Variants in CASKIN2 observed in about 807,000 individuals in gnomAD.
The protein encoded by CASKIN2 is caskin-2.
CASKIN2 carries 41 observed loss-of-function variants against 107.1 expected under a neutral mutation model. The ratio of observed to expected loss-of-function variants is 0.38; its 90% CI spans 0.30 to 0.50. The LOEUF (loss-of-function observed/expected upper bound fraction) is 0.50, where lower values mean the gene tolerates loss of function less well. Among genes scored for constraint, CASKIN2 ranks in the 20% least tolerant of loss-of-function variants. CASKIN2 has a pLI of 0.92. For synonymous variants in CASKIN2, 724 were observed against 705.6 expected, an observed-to-expected ratio of 1.03 and a Z score of -0.41; for missense variants, 1,546 against 1,657.4, an observed-to-expected ratio of 0.93 and a Z score of 1.17.
intron 16 of CASKIN2, 26 bp downstream of exon 16, chr17:75,503,633 C>G (rs751062264): frequency 1.4e-5 from 22 of 1,609,154 alleles, no homozygotes; most frequent in Non-Finnish European, 1.8e-5. Flanking sequence ...ACGTGCCCCA[C>G]TCCCCAGCCA....
chr17:75,503,036 T>C lies in CASKIN2; in HGVS notation c.2038A>G (p.Met680Val), dbSNP rs558844801. The change falls in exon 18 of 20, where the codon ATG becomes GTG. Residue 680 changes from methionine to valine, a missense_variant. Around this residue, in one of 6 missense-constraint regions of CASKIN2, gnomAD observed 1,311 missense variants for 1,311.0 expected, o/e 1.00. Transcript: ENST00000321617. ...SELSPELQAA[M>V]AGGGPEPLPL... ...AGTGGTTCAGGGCCACCCCCTGCCA[T>C]GGCCGCCTGTAGCTCTGGGCTTAGT... 3 of 1,606,338 alleles carry C rather than the reference T, an allele frequency of 1.9e-6. No individual in the cohort carries two copies. Among genetic ancestry groups the C allele is most frequent in the African/African-American group, 1.3e-5 (1 of 74,938 alleles).
chr17:75,504,339 TG>T (rs755416349), intron 13 of CASKIN2, 33 bp from the exon 14 acceptor site: 1 of 1,598,034 alleles, frequency 6.3e-7, no homozygotes, highest in South Asian at 1.1e-5. Context: ...AATGGAAAGG[TG>T]GCAGGAGGAA....
Position 75,503,335 on chromosome 17 carries a change from T to C in CASKIN2, c.1819+54A>G. On this transcript the variant is annotated intron_variant, in intron 17 of 19. Transcript: ENST00000321617. Reference sequence around the variant, plus strand: ...CCGCTGGGCCCCATACTGTCTTCTCTTGGAGACCCCGGAGGCAGGTGGGGG... The same window carrying C: ...CCGCTGGGCCCCATACTGTCTTCTCCTGGAGACCCCGGAGGCAGGTGGGGG... 4 of 1,587,484 alleles carry C rather than the reference T, an allele frequency of 2.5e-6. No homozygotes were observed. In the Admixed American group the frequency reaches 6.8e-5, roughly 27 times the overall value.
In CASKIN2 at chr17:75,504,273, C is replaced by A. The variant is rs777009819; in HGVS notation, c.1409G>T (p.Arg470Leu). The change falls in exon 14 of 20, where the codon CGC becomes CTC. Residue 470 changes from arginine to leucine, a missense_variant. By Grantham distance (102) the Arg-to-Leu change is moderately radical. Coordinates refer to ENST00000321617, the MANE Select transcript of CASKIN2 (RefSeq NM_020753.5). The stretch of plus-strand genomic sequence containing the variant: ...CTGGGTGAAGATCTGCTCCCCAGAG[C>A]GGCAGTTGGCCAGAGGGCGGTGGCT... Reference protein sequence around the residue: ...NLSHRPLANCRSGEQIFTQDV... With the variant: ...NLSHRPLANCLSGEQIFTQDV... 6.2e-6 allele frequency: 10 copies of A among 1,607,326 alleles called. No homozygotes were observed. Among genetic ancestry groups the A allele is most frequent in the Non-Finnish European group, 8.5e-6 (10 of 1,177,474 alleles).
chr17:75,510,402 A>C (rs2053306812), intron 2 of CASKIN2, among the ~76,000 whole-genome samples: 1 of 152,222 alleles, frequency 6.6e-6, no homozygotes, highest in South Asian at 2.1e-4. Context: ...AGAAGAAAAA[A>C]GGGGAGTCCT....
Position 75,503,669 on chromosome 17 carries a change from C to G in CASKIN2, c.1670G>C (p.Ser557Thr). The change falls in exon 16 of 20, where the codon AGC becomes ACC. Residue 557 changes from serine (S) to threonine (T), a missense_variant. Around this residue, in one of 6 missense-constraint regions of CASKIN2, gnomAD observed 1,311 missense variants for 1,311.0 expected, o/e 1.00. Coordinates refer to ENST00000321617, the MANE Select transcript of CASKIN2 (RefSeq NM_020753.5). ...AQLSIAEWLPSYIPTDLLEWL... is the reference protein window; with the variant it reads ...AQLSIAEWLPTYIPTDLLEWL... ...CCCTTGATGGCTCACTGGGATGTAG[C>G]TGGGCAGCCACTCGGCGATGCTGAG... The G allele has an allele frequency of 6.2e-7, 1 of 1,611,764 alleles. No homozygotes were observed.
intron 1 of CASKIN2, 75 bp from the exon 2 acceptor site, chr17:75,514,283 T>G (rs1285289794): frequency 2.4e-6 from 1 of 411,768 alleles, no homozygotes; most frequent in Non-Finnish European, 4.3e-6. Context: ...GTGCAGAGGA[T>G]GAGCAGGACA....
intron 3 of CASKIN2, chr17:75,507,950 C>T (rs2053283230): frequency 1.7e-6 from 1 of 583,712 alleles, no homozygotes; most frequent in South Asian, 2.1e-5. Context: ...AGGGCTCCTA[C>T]CCTCCAGGGA....
Position 75,501,819 on chromosome 17 carries a change from G to A in CASKIN2, c.3255C>T (p.Pro1085=). ...AASRWNGETE[P]PAAPAALLKV... Reference sequence around the variant, plus strand: ...TGAGGAGGGCAGCAGGGGCGGCCGGGGGTTCTGTCTCCCCATTCCACCGAC... The same window carrying A: ...TGAGGAGGGCAGCAGGGGCGGCCGGAGGTTCTGTCTCCCCATTCCACCGAC... Residue 1085 remains proline (P), a synonymous_variant, in exon 18 of 20, where the codon CCC becomes CCT. Transcript: ENST00000321617. 1.3e-6 allele frequency: 2 copies of A among 1,550,806 alleles called. No homozygotes were observed. The highest frequency in any genetic ancestry group is 1.9e-5 in the Admixed American group (1 of 51,362).
In CASKIN2 at chr17:75,508,292, G is replaced by A; in HGVS notation, c.95-7C>T. The A allele has an allele frequency of 2.5e-6, 4 of 1,613,310 alleles. No individual in the cohort carries two copies. Among genetic ancestry groups the A allele is most frequent in the Non-Finnish European group, 2.5e-6 (3 of 1,179,662 alleles). On this transcript the variant is annotated splice_polypyrimidine_tract_variant and splice_region_variant and intron_variant, in intron 2 of 19. Coordinates refer to ENST00000321617, the MANE Select transcript of CASKIN2 (RefSeq NM_020753.5). ...TTTGTGGAGCCCAGGAGCTCTAGGG[G>A]TCAGGATAGGAGGTGTCAGGGCCAT...
In CASKIN2 at chr17:75,501,698, G is replaced by C. The variant is rs575346202; in HGVS notation, c.3296-8C>G. Reference sequence around the variant, plus strand: ...CAGGCTTGGGGGCTGTTCCTGCAGAGACAAAAAGGTTGGCTTGGGACTTGG... The same window carrying C: ...CAGGCTTGGGGGCTGTTCCTGCAGACACAAAAAGGTTGGCTTGGGACTTGG... On this transcript the variant is annotated splice_region_variant and splice_polypyrimidine_tract_variant and intron_variant, in intron 18 of 19. Transcript: ENST00000321617. The C allele has an allele frequency of 3.9e-6, 6 of 1,550,234 alleles. No individual in the cohort carries two copies. In the South Asian group the frequency reaches 7.2e-5, roughly 19 times the overall value.
chr17:75,503,946 T>G lies in CASKIN2; in HGVS notation c.1484A>C (p.His495Pro). 1 of 1,612,350 alleles carries G rather than the reference T, an allele frequency of 6.2e-7. No individual in the cohort carries two copies. The highest frequency in any genetic ancestry group is 1.1e-5 in the South Asian group (1 of 90,946). ...LLEGKDAQAI[H>P]NWLSEFQLEG... is the part of the protein sequence containing the mutation. ...CAGCTGGAACTCGCTTAGCCAGTTA[T>G]GAATGGCCTGCGCGTCCTGCGGGGT... Residue 495 changes from histidine (H) to proline (P), a missense_variant, in exon 15 of 20, where the codon CAT becomes CCT. Physicochemically the swap from His to Pro is moderately conservative, Grantham distance 77. Transcript: ENST00000321617.
chr17:75,511,725 C>T lies in CASKIN2; in HGVS notation c.94+1986G>A, dbSNP rs190868033. On this transcript the variant is annotated intron_variant, in intron 2 of 19. Transcript: ENST00000321617. ...CAGCCTGCGCAGGGTGAATTCTCCA[C>T]TTTGGGACTGAGGGAAGGGACCTCC... 1.4e-4 allele frequency among the ~76,000 whole-genome samples: 21 copies of T among 152,300 alleles called. No individual in the cohort carries two copies. The East Asian group carries it at 4.0e-3, about 29-fold the overall frequency.
rs769594728 is a variant in CASKIN2, at chr17:75,506,276, C to G, written c.726+29G>C. On this transcript the variant is annotated intron_variant, in intron 8 of 19. Transcript: ENST00000321617. The surrounding 1 kb of genome is among the most constrained non-coding windows in gnomAD (Gnocchi z 4.8). Reference sequence around the variant, plus strand: ...GCACAGGGCAGAGGCTCCATGGACACCTGCGAGGGAGCAGGGGCCCATACC... The same window carrying G: ...GCACAGGGCAGAGGCTCCATGGACAGCTGCGAGGGAGCAGGGGCCCATACC... 8 of 1,568,980 alleles carry G rather than the reference C, an allele frequency of 5.1e-6. No individual in the cohort carries two copies. The South Asian group carries it at 8.9e-5, about 17-fold the overall frequency.
intron 4 of CASKIN2, 47 bp from the exon 5 acceptor site, chr17:75,507,176 G>T (rs933081137): frequency 6.4e-7 from 1 of 1,569,720 alleles, no homozygotes; most frequent in African/African-American, 1.3e-5. Context: ...GACGGCGTTG[G>T]GGGTGGAGAG....
rs776215646 is a variant in CASKIN2 at position 75,507,675 on chromosome 17, A to G, written c.153T>C (p.Ser51=). ...NVNYQDADGF[S]ALHHAALGGS... Reference sequence around the variant, plus strand: ...CCCCCAAAGCAGCGTGGTGGAGGGCAGAGAATCTGATGTGGGAGGACACAA... The same window carrying G: ...CCCCCAAAGCAGCGTGGTGGAGGGCGGAGAATCTGATGTGGGAGGACACAA... Residue 51 remains serine (S), a synonymous_variant, in exon 4 of 20, where the codon TCT becomes TCC. Coordinates refer to ENST00000321617, the MANE Select transcript of CASKIN2 (RefSeq NM_020753.5). 1.8e-5 allele frequency: 29 copies of G among 1,611,642 alleles called. No individual in the cohort carries two copies. The highest frequency in any genetic ancestry group is 1.6e-4 in the Middle Eastern group (1 of 6,074).
In CASKIN2 at chr17:75,504,670, T is replaced by C; in HGVS notation, c.1216A>G (p.Ser406Gly). 1 of 1,601,656 alleles carries C rather than the reference T, an allele frequency of 6.2e-7. No individual in the cohort carries two copies. The highest frequency in any genetic ancestry group is 8.5e-7 in the Non-Finnish European group (1 of 1,172,668). The change falls in exon 12 of 20, where the codon AGT becomes GGT. Residue 406 changes from serine to glycine, a missense_variant. Ser to Gly is a moderately conservative substitution (Grantham distance 56). Transcript: ENST00000321617. ...CGGATGCTGCCCACGCTGCCCTCAC[T>C]GCCCACACTATTCCTGTCACCTGCT... ...SPAGDRNSVG[S>G]EGSVGSIRSA...
intron 2 of CASKIN2, among the ~76,000 whole-genome samples, chr17:75,512,524 C>T (rs1166294700): frequency 6.8e-6 from 1 of 147,902 alleles, no homozygotes; most frequent in African/African-American, 2.6e-5. Flanking sequence ...GGCCACACCC[C>T]ACCAGGACAC....
Position 75,504,967 on chromosome 17 carries a change from C to A in CASKIN2, c.1037G>T (p.Ser346Ile). ...YFPPGIVEVV[S>I]KRVGIPAARL... Reference sequence around the variant, plus strand: ...GGCTGCAGGGATGCCCACCCGCTTGCTGACCACCTCGACAATGCCCGGGGG... The same window carrying A: ...GGCTGCAGGGATGCCCACCCGCTTGATGACCACCTCGACAATGCCCGGGGG... Residue 346 changes from serine (S) to isoleucine (I), a missense_variant, in exon 11 of 20, where the codon AGC (serine) becomes ATC (isoleucine). Ser to Ile is a moderately radical substitution (Grantham distance 142). Transcript: ENST00000321617. 1 of 1,612,094 alleles carries A rather than the reference C, an allele frequency of 6.2e-7. No individual in the cohort carries two copies. The highest frequency in any genetic ancestry group is 8.5e-7 in the Non-Finnish European group (1 of 1,179,594).
Sources: gnomAD v4.1 joint callset for allele counts (sites outside exome capture counted in the v4.1 genomes callset) on GRCh38, gnomAD v4.1.1 for gene constraint, gnomAD v4.1.1 regional missense constraint, Gnocchi (gnomAD v3.1) non-coding constraint, MANE v1.5 for transcripts, NCBI Gene and HGNC (gene_info 2026-07-23, HGNC 2026-07-21) for gene names.